The following XCR1 variants were observed in gnomAD, a reference collection of about 807,000 sequenced individuals.
XCR1 encodes chemokine XC receptor 1.
For synonymous variants in XCR1, 187 were observed against 188.5 expected (o/e 0.99, Z 0.06); for missense variants, 356 against 424.2 (o/e 0.84, Z 1.41).
At chr3:46,028,357 T>C (rs574337942), upstream of XCR1, among the ~76,000 whole-genome samples, 62 of 152,254 alleles carry the variant, frequency 4.1e-4, no homozygotes, top group African/African-American at 1.3e-3. Context: ...TTTTTATATG[T>C]GTATTGGTCA....
At chr3:46,023,073 T>C (rs1162974325) in intron 1 of XCR1, among the ~76,000 whole-genome samples, 1 of 152,178 alleles carries the variant, frequency 6.6e-6, no homozygotes, top group Non-Finnish European at 1.5e-5. Context: ...GCTTCAATAA[T>C]TTGGAAATAA....
At chr3:46,032,302 C>T (rs899734064), upstream of XCR1, among the ~76,000 whole-genome samples, 1 of 152,178 alleles carries the variant, frequency 6.6e-6, no homozygotes, top group African/African-American at 2.4e-5. Flanking sequence ...TCTAAGTCTC[C>T]GTGTACCACT....
chr3:46,029,045 G>A (rs960909153), upstream of XCR1, among the ~76,000 whole-genome samples: 9 of 152,254 alleles, frequency 5.9e-5, no homozygotes, highest in Admixed American at 3.3e-4. Context: ...ATTGGTCTTT[G>A]CATCTATCCT....
At chr3:46,075,352 A>C (rs151305594) in intron 2 of XCR1, among the ~76,000 whole-genome samples, 5 of 151,554 alleles carry the variant, frequency 3.3e-5, no homozygotes, top group African/African-American at 1.2e-4. Context: ...AAAACCAAGA[A>C]ACCTCAATCT....
At chr3:46,054,329 G>A (rs962643836) in intron 4 of XCR1, among the ~76,000 whole-genome samples, 5 of 152,108 alleles carry the variant, frequency 3.3e-5, no homozygotes, top group South Asian at 2.1e-4. Flanking sequence ...GCCAGGAAGC[G>A]ATTGCCCTCA....
chr3:46,066,928 T>C (rs1698088169), exon 4 of XCR1, among the ~76,000 whole-genome samples: 1 of 152,156 alleles, frequency 6.6e-6, no homozygotes, highest in Admixed American at 6.5e-5. Flanking sequence ...CAATAGCTGA[T>C]TTTTCCAGCA....
intron 3 of XCR1, among the ~76,000 whole-genome samples, chr3:46,069,690 T>C (rs1365045308): frequency 6.6e-6 from 1 of 152,126 alleles, no homozygotes; most frequent in Non-Finnish European, 1.5e-5. Flanking sequence ...ATTAAGAAAA[T>C]AACCTCTCTT....
chr3:46,049,843 G>A (rs1697705664), intron 5 of XCR1, among the ~76,000 whole-genome samples: 3 of 152,170 alleles, frequency 2.0e-5, no homozygotes, highest in African/African-American at 7.2e-5. Flanking sequence ...AAGGGTAGTG[G>A]TTATCTATAG....
At chr3:46,066,241 CTTTTCTTTCT>C (rs960035388) in intron 4 of XCR1, among the ~76,000 whole-genome samples, 5 of 132,554 alleles carry the variant, frequency 3.8e-5, no homozygotes, top group South Asian at 2.6e-4. Context: ...TGCTTCTTTT[CTTTTCTTTCT>C]TTTTCTTTCT....
chr3:46,075,619 A>T (rs1698245710), intron 2 of XCR1, among the ~76,000 whole-genome samples: 1 of 152,194 alleles, frequency 6.6e-6, no homozygotes, highest in African/African-American at 2.4e-5. Context: ...TTTTCCAACC[A>T]CATATCAGAC....
chr3:46,024,698 T>C (rs1481489352), intron 1 of XCR1, among the ~76,000 whole-genome samples: 3 of 152,204 alleles, frequency 2.0e-5, no homozygotes, highest in Admixed American at 6.5e-5. Flanking sequence ...TTGTAAGATA[T>C]ACACCTTAAT....
rs756728265 is a variant in XCR1 at position 46,022,621 on chromosome 3, G to GA, written c.-31-644dup. Among the ~76,000 whole-genome samples, 4 of 152,192 alleles carry GA rather than the reference G, an allele frequency of 2.6e-5. No individual in the cohort carries two copies. The South Asian group carries it at 8.3e-4, about 31-fold the overall frequency. Reference sequence around the variant, plus strand: ...CATGGCCTGAACTAATATTTCTTTAGAATGCCCTTCCTTGGCTGAGGAGTC... The same window carrying GA: ...CATGGCCTGAACTAATATTTCTTTAGAAATGCCCTTCCTTGGCTGAGGAGTC... On this transcript the variant is annotated intron_variant, in intron 1 of 1. Transcript: ENST00000309285.
intron 5 of XCR1, among the ~76,000 whole-genome samples, chr3:46,037,420 G>T (rs1318514400): frequency 3.9e-5 from 6 of 151,962 alleles, no homozygotes; most frequent in African/African-American, 2.4e-5. Flanking sequence ...TGTGAGAAAG[G>T]TTATAAAGAA....
intron 5 of XCR1, among the ~76,000 whole-genome samples, chr3:46,051,297 AAGTC>A (rs111404395): frequency 2.6e-5 from 4 of 152,342 alleles, no homozygotes; most frequent in African/African-American, 7.2e-5. Context: ...CCCATGCTGT[AAGTC>A]AGTCTTGACC....
chr3:46,081,511 G>A (rs1411028579), intron 1 of XCR1, among the ~76,000 whole-genome samples: 1 of 152,182 alleles, frequency 6.6e-6, no homozygotes, highest in Admixed American at 6.5e-5. Flanking sequence ...CTTCTGCAGA[G>A]AGCTCTGGGG....
chr3:46,044,845 T>C (rs1697595872), intron 5 of XCR1, among the ~76,000 whole-genome samples: 1 of 152,144 alleles, frequency 6.6e-6, no homozygotes, highest in South Asian at 2.1e-4. Context: ...TTAAACAAAT[T>C]AAATCAATAA....
upstream of XCR1, among the ~76,000 whole-genome samples, chr3:46,030,840 A>C (rs1161615115): frequency 1.3e-5 from 2 of 152,238 alleles, no homozygotes; most frequent in South Asian, 2.1e-4. Flanking sequence ...ACCTACTCTC[A>C]GGCCTGGAGC....
chr3:46,074,073 G>T (rs1030509400), intron 3 of XCR1, among the ~76,000 whole-genome samples: 2 of 152,010 alleles, frequency 1.3e-5, no homozygotes, highest in Non-Finnish European at 2.9e-5. Flanking sequence ...CCACTACTGG[G>T]TATCTACCCA....
At chr3:46,078,115 C>T (rs555658594) in intron 1 of XCR1, among the ~76,000 whole-genome samples, 12 of 152,250 alleles carry the variant, frequency 7.9e-5, no homozygotes, top group South Asian at 2.1e-4. Flanking sequence ...AAAGCCTGCT[C>T]GCAACAAAGG....
Sources: allele counts gnomAD v4.1 joint callset (sites outside exome capture counted in the v4.1 genomes callset), GRCh38; gene constraint gnomAD v4.1.1; transcripts MANE v1.5; gene names NCBI Gene and HGNC (gene_info 2026-07-23, HGNC 2026-07-21).